Variants in NAV2 observed in about 807,000 individuals in gnomAD.
NAV2 encodes helicase, APC down-regulated 1.
NAV2 carries 54 observed loss-of-function variants against 223.2 expected under a neutral mutation model. The observed-to-expected ratio is 0.24, with a 90% CI of 0.19 to 0.30. The LOEUF (loss-of-function observed/expected upper bound fraction) is 0.30, where lower values mean the gene tolerates loss of function less well. NAV2 is among the 10% of genes least tolerant of loss of function. The pLI is 1.00. For synonymous variants in NAV2, 1,279 were observed against 1,239.3 expected (o/e 1.03, Z -0.67); for missense variants, 2,806 against 3,147.5 (o/e 0.89, Z 2.60).
intron 1 of NAV2, among the ~76,000 whole-genome samples, chr11:19,653,637 G>A (rs930857583): frequency 6.6e-6 from 1 of 152,190 alleles, no homozygotes; most frequent in African/African-American, 2.4e-5. Context: ...GAGATGGTAA[G>A]GCATGACAAC....
At chr11:19,544,099 A>G (rs7946982) in intron 1 of NAV2, among the ~76,000 whole-genome samples, 7,220 of 152,320 alleles carry the variant, frequency 0.047, 595 homozygotes, top group African/African-American at 0.17. Context: ...TGCCTGGCAC[A>G]TAGTAAGTGC....
At chr11:19,606,014 G>A (rs1157441516) in intron 1 of NAV2, among the ~76,000 whole-genome samples, 1 of 152,204 alleles carries the variant, frequency 6.6e-6, no homozygotes, top group Non-Finnish European at 1.5e-5. Flanking sequence ...GGATTAGTGA[G>A]GGGTCTGCAT....
At chr11:19,833,190 C>A (rs2060043946) in intron 2 of NAV2, among the ~76,000 whole-genome samples, 1 of 152,136 alleles carries the variant, frequency 6.6e-6, no homozygotes, top group African/African-American at 2.4e-5. Flanking sequence ...TTGCCTTGGG[C>A]CTTAAGGTAA....
intron 1 of NAV2, among the ~76,000 whole-genome samples, chr11:19,378,490 C>A (rs983286010): frequency 6.6e-6 from 1 of 152,080 alleles, no homozygotes; most frequent in Admixed American, 6.6e-5. Context: ...CTGATAGATG[C>A]CATGCACGGA....
intron 3 of NAV2, among the ~76,000 whole-genome samples, chr11:19,854,348 G>A (rs1018872350): frequency 1.3e-5 from 2 of 152,212 alleles, no homozygotes; most frequent in Non-Finnish European, 2.9e-5. Flanking sequence ...ACAAGTGCCA[G>A]TGTGCTCACT....
chr11:19,728,874 T>C (rs1176806689), intron 1 of NAV2, among the ~76,000 whole-genome samples: 1 of 152,198 alleles, frequency 6.6e-6, no homozygotes, highest in African/African-American at 2.4e-5. Context: ...AGGAAACCAA[T>C]TAATTCATTC....
intron 1 of NAV2, among the ~76,000 whole-genome samples, chr11:19,559,298 AG>A (rs2045015744): frequency 6.6e-6 from 1 of 152,240 alleles, no homozygotes; most frequent in Non-Finnish European, 1.5e-5. Flanking sequence ...ATTGAAGCCC[AG>A]GTCTTTCTGA....
At chr11:19,423,596 T>C (rs953863561) in intron 1 of NAV2, among the ~76,000 whole-genome samples, 7 of 152,354 alleles carry the variant, frequency 4.6e-5, no homozygotes, top group Admixed American at 1.3e-4. Flanking sequence ...ACACATGTTA[T>C]TTCATTGAGC....
rs530398654 is a variant in NAV2 at position 19,654,781 on chromosome 11, C to A, written c.76-177703C>A. Among the ~76,000 whole-genome samples, 258 of 152,216 alleles carry A rather than the reference C, an allele frequency of 1.7e-3. 1 individual carries two copies. Among genetic ancestry groups the A allele is most frequent in the South Asian group, 7.7e-3 (37 of 4,820 alleles). ...ACTTAAATGTTAGGCCTAAAACCATCAAAACCCTAGAAGAAAACCTAGGCA... is the reference window on the plus strand; with the variant it reads ...ACTTAAATGTTAGGCCTAAAACCATAAAAACCCTAGAAGAAAACCTAGGCA... On this transcript the variant is annotated intron_variant, in intron 1 of 37. Transcript: ENST00000360655.
chr11:19,550,691 T>C (rs2044662747), intron 1 of NAV2, among the ~76,000 whole-genome samples: 1 of 152,224 alleles, frequency 6.6e-6, no homozygotes, highest in Non-Finnish European at 1.5e-5. Context: ...GGCCCTGTGA[T>C]ATTGCCCACT....
chr11:19,963,575 A>G (rs2048518966), intron 10 of NAV2, among the ~76,000 whole-genome samples: 1 of 152,218 alleles, frequency 6.6e-6, no homozygotes, highest in Admixed American at 6.5e-5. Flanking sequence ...CAGAGGAGTG[A>G]GTTATGTAGG....
chr11:20,054,341 G>A (rs2058226004), intron 18 of NAV2, 101 bp downstream of exon 18: 6 of 1,238,452 alleles, frequency 4.8e-6, no homozygotes, highest in Non-Finnish European at 6.5e-6. Flanking sequence ...TTGGGGAGCA[G>A]GTGGTTTTGG....
rs77529329 is a variant in NAV2 at position 19,776,609 on chromosome 11, G to T, written c.268-55875G>T. Among the ~76,000 whole-genome samples the T allele has an allele frequency of 3.6e-3, 252 of 69,638 alleles. 3 individuals are homozygous for T. Among genetic ancestry groups the T allele is most frequent in the African/African-American group, 5.1e-3 (81 of 15,966 alleles). The allele number at this position is 69,638 out of a possible 152,430, so 45.7% of individuals were successfully genotyped here. A position where few individuals can be genotyped will look rare whatever the true frequency, so the allele number is the denominator to read the frequency against. Reference sequence around the variant, plus strand: ...GTGTGTGTGTGTGTGTGTGTGTGTGGTTAGAGTTGTGGGGGTCAGAAAATG... The same window carrying T: ...GTGTGTGTGTGTGTGTGTGTGTGTGTTTAGAGTTGTGGGGGTCAGAAAATG... On this transcript the variant is annotated intron_variant, in intron 1 of 37. Transcript: ENST00000349880.
At chr11:19,696,276 G>A (rs1374114450) in intron 1 of NAV2, among the ~76,000 whole-genome samples, 1 of 152,238 alleles carries the variant, frequency 6.6e-6, no homozygotes, top group Non-Finnish European at 1.5e-5. Flanking sequence ...GTTCCCATCT[G>A]GAATTAGGTG....
Position 20,045,542 on chromosome 11 carries a change from C to A in NAV2, c.3774C>A (p.Asp1258Glu). Residue 1258 changes from aspartate to glutamate, a missense_variant, in exon 14 of 38, where the codon GAC becomes GAA. By Grantham distance (45) the Asp-to-Glu change is conservative. Coordinates refer to ENST00000349880, the MANE Select transcript of NAV2 (RefSeq NM_145117.5). Reference protein sequence around the residue: ...QTDKEKGISSDNESVASCNSV... With the variant: ...QTDKEKGISSENESVASCNSV... ...ACAAGGAGAAAGGCATCTCATCAGA[C>A]AACGAGAGTGTGGCTTCCTGTAACT... 1 of 1,614,162 alleles carries A rather than the reference C, an allele frequency of 6.2e-7. No homozygotes were observed. Among genetic ancestry groups the A allele is most frequent in the Non-Finnish European group, 8.5e-7 (1 of 1,180,018 alleles).
rs3214713 is a variant in NAV2 at position 20,082,887 on chromosome 11, TC to T, written c.5326-118del. On this transcript the variant is annotated intron_variant, in intron 25 of 37. Coordinates refer to ENST00000349880, the MANE Select transcript of NAV2 (RefSeq NM_145117.5). ...TTCAAAAGAGCTCTTGGGAACCTCT[TC>T]CATTGGTGGGGGGAAAAACATGGGA... is the stretch of plus-strand genomic sequence containing the variant. 1,204 of 987,714 alleles carry T rather than the reference TC, an allele frequency of 1.2e-3. 14 individuals carry two copies. In the East Asian group the frequency reaches 0.026, roughly 21 times the overall value. The allele number at this position is 987,714 out of a possible 1,614,324, so 61.2% of individuals were successfully genotyped here. A position where few individuals can be genotyped will look rare whatever the true frequency, so the allele number is the denominator to read the frequency against.
At chr11:19,977,985 T>TG (rs764124870) in intron 10 of NAV2, among the ~76,000 whole-genome samples, 5,247 of 101,630 alleles carry the variant, frequency 0.052, 141 homozygotes, top group Non-Finnish European at 0.075. Context: ...TGTTTTTTTT[T>TG]GTTTTTTTTG....
intron 19 of NAV2, among the ~76,000 whole-genome samples, chr11:20,056,269 G>A (rs16937388): frequency 0.099 from 15,121 of 152,212 alleles, 960 homozygotes; most frequent in East Asian, 0.21. Flanking sequence ...CTTGGCATGC[G>A]CCTCCACCTT....
At chr11:19,605,323 T>C (rs945109646) in intron 1 of NAV2, among the ~76,000 whole-genome samples, 2 of 152,084 alleles carry the variant, frequency 1.3e-5, no homozygotes, top group African/African-American at 4.8e-5. Context: ...AAGCACTTAG[T>C]TGTCTGGCCC....
Sources: allele counts gnomAD v4.1 joint callset (sites outside exome capture counted in the v4.1 genomes callset), GRCh38; gene constraint gnomAD v4.1.1; transcripts MANE v1.5; gene names NCBI Gene and HGNC (gene_info 2026-07-23, HGNC 2026-07-21).